Variants in ATP5MK observed in about 807,000 individuals in gnomAD.
ATP5MK encodes ATP synthase membrane subunit k, also known as ATP synthase F(0) complex subunit k, mitochondrial.
A neutral mutation model predicts 6.6 loss-of-function variants in ATP5MK; 5 were observed. The observed-to-expected ratio is 0.76, with a 90% CI of 0.40 to 1.60. The LOEUF (loss-of-function observed/expected upper bound fraction) is 1.60. ATP5MK is among the 40% of genes most tolerant of loss of function. The pLI is 0.02. For missense variants in ATP5MK, 57 were observed against 66.6 expected, an observed-to-expected ratio of 0.86 and a Z score of 0.50; for synonymous variants, 30 against 24.5, an observed-to-expected ratio of 1.22 and a Z score of -0.66.
intron 2 of ATP5MK, among the ~76,000 whole-genome samples, chr10:103,393,933 A>T (rs1042063526): frequency 1.3e-5 from 2 of 152,208 alleles, no homozygotes; most frequent in African/African-American, 4.8e-5. Context: ...TTATTTCTGG[A>T]TTTTATAAAG....
At chr10:103,390,888 A>C (rs1335077225) in intron 4 of ATP5MK, among the ~76,000 whole-genome samples, 2 of 152,216 alleles carry the variant, frequency 1.3e-5, no homozygotes, top group Non-Finnish European at 2.9e-5. Flanking sequence ...AGATATTTAA[A>C]GGGTGGGCAA....
chr10:103,392,471 T>A lies in ATP5MK; in HGVS notation c.-9-5A>T. 1 of 1,571,258 alleles carries A rather than the reference T, an allele frequency of 6.4e-7. No homozygotes were observed. The highest frequency in any genetic ancestry group is 8.6e-7 in the Non-Finnish European group (1 of 1,163,828). ...TGGACCTGCCATGATTTCAATCTTT[T>A]AAAAAAAGAAAGAAAGCAACATTAA... On this transcript the variant is annotated splice_region_variant and splice_polypyrimidine_tract_variant and intron_variant, in intron 2 of 4. Coordinates refer to ENST00000369815, the MANE Select transcript of ATP5MK (RefSeq NM_001206427.2).
intron 1 of ATP5MK, 127 bp from the exon 2 acceptor site, chr10:103,396,159 C>T (rs577785627): frequency 6.6e-6 from 1 of 152,438 alleles, no homozygotes; most frequent in Non-Finnish European, 1.5e-5. Flanking sequence ...CATTTTTCTC[C>T]ACTGGCGAAT....
intron 4 of ATP5MK, 26 bp downstream of exon 4, chr10:103,392,165 T>C (rs1223882189): frequency 1.3e-6 from 2 of 1,565,678 alleles, no homozygotes; most frequent in East Asian, 4.5e-5. Context: ...GGCTAAATTA[T>C]AAAGGTTTAA....
rs1216480253 is a variant in ATP5MK at position 103,389,170 on chromosome 10, T to C, written c.*4-4A>G. ...GAACCGTAGACAGTTTAAAATCCTA[T>C]AAACAAAGCAAACAGTTTAGATACA... On this transcript the variant is annotated splice_region_variant and splice_polypyrimidine_tract_variant and intron_variant, in intron 4 of 4. Transcript: ENST00000369815. 6.6e-6 allele frequency: 1 copy of C among 152,454 alleles called. No homozygotes were observed. The highest frequency in any genetic ancestry group is 1.5e-5 in the Non-Finnish European group (1 of 68,038). 9.4% of individuals were successfully genotyped at this position (152,454 alleles called of 1,614,324 possible).
chr10:103,391,652 C>T (rs920770224), intron 4 of ATP5MK, among the ~76,000 whole-genome samples: 6 of 151,808 alleles, frequency 4.0e-5, no homozygotes, highest in African/African-American at 1.2e-4. Context: ...GGATTATAGG[C>T]GCCTGCCACC....
intron 4 of ATP5MK, among the ~76,000 whole-genome samples, chr10:103,389,451 T>C (rs1379179246): frequency 6.6e-6 from 1 of 152,068 alleles, no homozygotes; most frequent in Admixed American, 6.5e-5. Flanking sequence ...GCCTCCCAAG[T>C]AGCTGGGATT....
At chr10:103,390,014 G>A (rs2093409347) in intron 4 of ATP5MK, among the ~76,000 whole-genome samples, 1 of 151,892 alleles carries the variant, frequency 6.6e-6, no homozygotes, top group South Asian at 2.1e-4. Flanking sequence ...TTACAGGCGT[G>A]AGCCACCACG....
chr10:103,393,289 C>T (rs990266748), intron 2 of ATP5MK, among the ~76,000 whole-genome samples: 4 of 152,056 alleles, frequency 2.6e-5, no homozygotes, highest in Non-Finnish European at 4.4e-5. Context: ...GGAGTATAAA[C>T]TGGTAAAACC....
Position 103,389,095 on chromosome 10 carries a change from T to C in ATP5MK, c.*75A>G, listed in dbSNP as rs1489354442. On this transcript the variant is annotated 3_prime_UTR_variant, in exon 5 of 5. Coordinates refer to ENST00000369815, the MANE Select transcript of ATP5MK (RefSeq NM_001206427.2). Reference sequence around the variant, plus strand: ...TTGTACAAATTGAATTATCACATGATGAGTTGGCATTAGCTTCTCCAGGCA... The same window carrying C: ...TTGTACAAATTGAATTATCACATGACGAGTTGGCATTAGCTTCTCCAGGCA... The C allele has an allele frequency of 6.6e-6, 1 of 152,652 alleles. No individual in the cohort carries two copies. Among genetic ancestry groups the C allele is most frequent in the African/African-American group, 2.4e-5 (1 of 41,458 alleles). The allele number at this position is 152,652 out of a possible 1,614,324, so 9.5% of individuals were successfully genotyped here. A position where few individuals can be genotyped will look rare whatever the true frequency, so the allele number is the denominator to read the frequency against.
At chr10:103,394,714 TTACTA>T (rs575972987) in intron 2 of ATP5MK, among the ~76,000 whole-genome samples, 84 of 151,882 alleles carry the variant, frequency 5.5e-4, no homozygotes, top group Non-Finnish European at 1.1e-3. Context: ...CTGTTCCACT[TTACTA>T]AACTTACTAA....
At chr10:103,394,056 A>C (rs1483451543) in intron 2 of ATP5MK, 1 of 226,820 alleles carries the variant, frequency 4.4e-6, no homozygotes, top group Non-Finnish European at 9.2e-6. Context: ...TGGGTCCAGG[A>C]ATCTATTTTA....
In ATP5MK at chr10:103,395,734, C is replaced by T. The variant is rs2093431326; in HGVS notation, c.-10+12G>A. ...TCGATATTGCTATTTTCCTTTCTAA[C>T]TTAACACCTACCTGGAATGGTGAGA... On this transcript the variant is annotated intron_variant, in intron 2 of 4. Transcript: ENST00000369815. 6.6e-6 allele frequency: 1 copy of T among 152,236 alleles called. No individual in the cohort carries two copies. The highest frequency in any genetic ancestry group is 2.4e-5 in the African/African-American group (1 of 41,454). 9.4% of individuals were successfully genotyped at this position (152,236 alleles called of 1,614,324 possible).
intron 2 of ATP5MK, chr10:103,394,415 A>T (rs773646773): frequency 6.0e-6 from 3 of 501,798 alleles, no homozygotes; most frequent in Non-Finnish European, 8.5e-6. Flanking sequence ...TGGAAGAGGG[A>T]GATATCTGTC....
chr10:103,394,339 C>T (rs772698535), intron 2 of ATP5MK: 2 of 533,236 alleles, frequency 3.8e-6, no homozygotes, highest in Admixed American at 1.9e-5. Flanking sequence ...GCAACACAGA[C>T]GAGCCGGTCG....
intron 2 of ATP5MK, among the ~76,000 whole-genome samples, chr10:103,393,721 T>C (rs1268657698): frequency 6.6e-6 from 1 of 152,232 alleles, no homozygotes; most frequent in Non-Finnish European, 1.5e-5. Flanking sequence ...TTTACCCTTA[T>C]TGAAATATTA....
chr10:103,389,563 T>G (rs948515466), intron 4 of ATP5MK, among the ~76,000 whole-genome samples: 3 of 151,920 alleles, frequency 2.0e-5, no homozygotes, highest in African/African-American at 7.3e-5. Context: ...CCTCAAGTGA[T>G]CCACCCGCCT....
chr10:103,395,436 T>C (rs2093429582), intron 2 of ATP5MK, among the ~76,000 whole-genome samples: 2 of 152,180 alleles, frequency 1.3e-5, no homozygotes, highest in African/African-American at 4.8e-5. Flanking sequence ...TAGCTGGAAC[T>C]ACAGGCGCGC....
At chr10:103,391,197 A>G (rs926470969) in intron 4 of ATP5MK, among the ~76,000 whole-genome samples, 2 of 152,226 alleles carry the variant, frequency 1.3e-5, no homozygotes, top group Admixed American at 6.5e-5. Flanking sequence ...TACATTTCAC[A>G]TTGGCTGGGC....
Sources: gnomAD v4.1 joint callset for allele counts (sites outside exome capture counted in the v4.1 genomes callset) on GRCh38, gnomAD v4.1.1 for gene constraint, MANE v1.5 for transcripts, NCBI Gene and HGNC (gene_info 2026-07-23, HGNC 2026-07-21) for gene names.